The following TMEM177 variants were observed in gnomAD, a reference collection of about 807,000 sequenced individuals.
TMEM177 encodes transmembrane protein 177.
A neutral mutation model predicts 14.2 loss-of-function variants in TMEM177; 4 were observed. That is an observed-to-expected ratio of 0.28 (90% CI 0.14 to 0.64). TMEM177 has a LOEUF of 0.64. TMEM177 is among the 30% of genes least tolerant of loss of function. The pLI is 0.82. For synonymous variants in TMEM177, 179 were observed against 174.5 expected (o/e 1.03, Z -0.20); for missense variants, 344 against 405.2 (o/e 0.85, Z 1.30).
the TMEM177 span, among the ~76,000 whole-genome samples, chr2:119,697,568 C>G: frequency 6.6e-6 from 1 of 151,574 alleles, no homozygotes; most frequent in Non-Finnish European, 1.5e-5. Context: ...AAACGAAGTC[C>G]AGGCTATTCT....
At chr2:119,695,088 A>G in the TMEM177 span, among the ~76,000 whole-genome samples, 34 of 152,152 alleles carry the variant, frequency 2.2e-4, no homozygotes, top group Admixed American at 2.1e-3. Flanking sequence ...AAAAACAAAC[A>G]TCGGGCAATG....
the TMEM177 span, among the ~76,000 whole-genome samples, chr2:119,717,035 G>A: frequency 5.7e-4 from 87 of 152,212 alleles, no homozygotes; most frequent in African/African-American, 2.0e-3. Flanking sequence ...TTTTCCGTCA[G>A]TTTCTCTTTA....
chr2:119,689,958 C>T (rs1689069129), downstream of TMEM177, among the ~76,000 whole-genome samples: 1 of 152,244 alleles, frequency 6.6e-6, no homozygotes, highest in African/African-American at 2.4e-5. Flanking sequence ...GGATTTCTTC[C>T]AGTCTCAGCC....
At chr2:119,716,023 G>A in the TMEM177 span, among the ~76,000 whole-genome samples, 1 of 152,196 alleles carries the variant, frequency 6.6e-6, no homozygotes, top group Non-Finnish European at 1.5e-5. Flanking sequence ...TAAGTCCACT[G>A]GGGAAACAGC....
At chr2:119,720,010 A>G in the TMEM177 span, among the ~76,000 whole-genome samples, 1 of 152,042 alleles carries the variant, frequency 6.6e-6, no homozygotes, top group Admixed American at 6.6e-5. Context: ...TGCCCAGGCC[A>G]GTCTCAAACT....
At chr2:119,695,155 G>C in the TMEM177 span, among the ~76,000 whole-genome samples, 3 of 152,192 alleles carry the variant, frequency 2.0e-5, no homozygotes, top group Non-Finnish European at 4.4e-5. Context: ...GAGTCTCTCT[G>C]TGTCCTTTCC....
chr2:119,688,362 C>T (rs1375963633), downstream of TMEM177, among the ~76,000 whole-genome samples: 1 of 152,146 alleles, frequency 6.6e-6, no homozygotes, highest in Non-Finnish European at 1.5e-5. Context: ...CATCACTTAA[C>T]GACAGGGATA....
chr2:119,691,078 G>A (rs1283773668), downstream of TMEM177, among the ~76,000 whole-genome samples: 1 of 152,160 alleles, frequency 6.6e-6, no homozygotes, highest in Non-Finnish European at 1.5e-5. Flanking sequence ...TCTGAGGCAG[G>A]AAGGATCTGG....
the TMEM177 span, among the ~76,000 whole-genome samples, chr2:119,702,584 C>T: frequency 6.6e-6 from 1 of 152,146 alleles, no homozygotes; most frequent in African/African-American, 2.4e-5. Context: ...AAGTTACTAC[C>T]ACTTTTTGAT....
Position 119,682,076 on chromosome 2 carries a change from C to A in TMEM177, c.*287C>A. On this transcript the variant is annotated 3_prime_UTR_variant, in exon 2 of 2. Transcript: ENST00000272521. ...TGGGTAAGGTCATGAACATAAGGGC[C>A]TGGCACAAAGGGTGCACTGTAAATA... is the stretch of plus-strand genomic sequence containing the variant. 1 of 364,468 alleles carries A rather than the reference C, an allele frequency of 2.7e-6. No homozygotes were observed. Among genetic ancestry groups the A allele is most frequent in the Non-Finnish European group, 5.2e-6 (1 of 193,972 alleles). The allele number at this position is 364,468 out of a possible 1,614,324, so 22.6% of individuals were successfully genotyped here.
chr2:119,711,759 T>C, the TMEM177 span, among the ~76,000 whole-genome samples: 1 of 152,090 alleles, frequency 6.6e-6, no homozygotes, highest in African/African-American at 2.4e-5. Context: ...CTGAGGACTC[T>C]TCGTAGTTAC....
the TMEM177 span, among the ~76,000 whole-genome samples, chr2:119,704,604 TAAAG>T: frequency 6.6e-6 from 1 of 151,978 alleles, no homozygotes; most frequent in Admixed American, 6.6e-5. Flanking sequence ...GTGCTTCTGA[TAAAG>T]AAGAAGGGGA....
chr2:119,716,221 G>A, the TMEM177 span, among the ~76,000 whole-genome samples: 2 of 152,198 alleles, frequency 1.3e-5, no homozygotes, highest in African/African-American at 4.8e-5. Flanking sequence ...AGCCCGCACT[G>A]GAGACTAGTG....
the TMEM177 span, among the ~76,000 whole-genome samples, chr2:119,710,425 G>A: frequency 6.6e-6 from 1 of 152,294 alleles, no homozygotes; most frequent in East Asian, 1.9e-4. Context: ...CTGCAGTGGA[G>A]CAGCTCACAT....
At chr2:119,719,456 A>G in the TMEM177 span, among the ~76,000 whole-genome samples, 4 of 152,228 alleles carry the variant, frequency 2.6e-5, no homozygotes, top group Admixed American at 6.5e-5. Context: ...CTGTAAGCCA[A>G]GCGTGGGTGC....
At chr2:119,688,496 G>A (rs553925125), downstream of TMEM177, among the ~76,000 whole-genome samples, 1 of 152,286 alleles carries the variant, frequency 6.6e-6, no homozygotes, top group South Asian at 2.1e-4. Context: ...TTGCTACTGG[G>A]CCCCAAACCT....
the TMEM177 span, among the ~76,000 whole-genome samples, chr2:119,722,382 TA>T: frequency 0.21 from 29,926 of 143,388 alleles, 3,785 homozygotes; most frequent in East Asian, 0.48. Flanking sequence ...ATCCTGTTTC[TA>T]AAAAAAAAAA....
chr2:119,700,940 C>T, the TMEM177 span, among the ~76,000 whole-genome samples: 7 of 152,214 alleles, frequency 4.6e-5, no homozygotes, highest in African/African-American at 7.2e-5. Flanking sequence ...CTGGCAACCG[C>T]GATCACAGGG....
the TMEM177 span, among the ~76,000 whole-genome samples, chr2:119,720,694 T>A: frequency 6.6e-6 from 1 of 152,194 alleles, no homozygotes; most frequent in Non-Finnish European, 1.5e-5. Context: ...CAACCCTGAG[T>A]GAAAAAGTGA....
Sources: allele counts gnomAD v4.1 joint callset (sites outside exome capture counted in the v4.1 genomes callset), GRCh38; gene constraint gnomAD v4.1.1; transcripts MANE v1.5; gene names NCBI Gene and HGNC (gene_info 2026-07-23, HGNC 2026-07-21).